Variants in RSPRY1 observed in about 807,000 individuals in gnomAD.
The protein encoded by RSPRY1 is RING finger and SPRY domain-containing protein 1.
A neutral mutation model predicts 73.1 loss-of-function variants in RSPRY1; 23 were observed. That is an observed-to-expected ratio of 0.31 (90% CI 0.23 to 0.45). The LOEUF is 0.45. Ranked by LOEUF, RSPRY1 falls within the 20% of genes least tolerant of loss-of-function variation. The pLI, the probability that RSPRY1 is intolerant of heterozygous loss-of-function variation, is 1.00. For missense variants in RSPRY1, 448 were observed against 698.7 expected, an observed-to-expected ratio of 0.64 and a Z score of 4.05; for synonymous variants, 226 against 251.4, an observed-to-expected ratio of 0.90 and a Z score of 0.95.
chr16:57,203,574 C>T (rs2146239451), intron 1 of RSPRY1, among the ~76,000 whole-genome samples: 1 of 152,298 alleles, frequency 6.6e-6, no homozygotes, highest in African/African-American at 2.4e-5. Flanking sequence ...TACTTCCTTC[C>T]AGAATCTAAC....
intron 10 of RSPRY1, among the ~76,000 whole-genome samples, chr16:57,225,165 A>G (rs1280744994): frequency 6.6e-6 from 1 of 152,230 alleles, no homozygotes; most frequent in Non-Finnish European, 1.5e-5. Context: ...GGTTCAGGCG[A>G]TTCTTGTGCC....
chr16:57,216,579 G>C (rs962892415), intron 7 of RSPRY1: 1 of 340,948 alleles, frequency 2.9e-6, no homozygotes, highest in African/African-American at 2.1e-5. Context: ...AATCAGCCAG[G>C]CATGGTGGCA....
rs1374197845 is a variant in RSPRY1, at chr16:57,240,362, A to G, written c.*1387A>G. The G allele has an allele frequency of 6.6e-6, 1 of 150,900 alleles. No homozygotes were observed. The highest frequency in any genetic ancestry group is 1.5e-5 in the Non-Finnish European group (1 of 67,738). 9.3% of individuals were successfully genotyped at this position (150,900 alleles called of 1,614,324 possible). A position where few individuals can be genotyped will look rare whatever the true frequency, so the allele number is the denominator to read the frequency against. On this transcript the variant is annotated 3_prime_UTR_variant, in exon 15 of 15. Coordinates refer to ENST00000394420, the MANE Select transcript of RSPRY1 (RefSeq NM_133368.3). ...ATCCACACACACACACACACACAAA[A>G]AATATATATATATATAAATATATAT...
chr16:57,189,593 C>CTTTTCT (rs1555498334), intron 1 of RSPRY1, among the ~76,000 whole-genome samples: 3 of 124,068 alleles, frequency 2.4e-5, no homozygotes, highest in African/African-American at 6.1e-5. Context: ...CTTTTCTTTT[C>CTTTTCT]TTTTTTTTTT....
intron 1 of RSPRY1, among the ~76,000 whole-genome samples, chr16:57,201,657 A>T (rs2074611555): frequency 1.3e-5 from 2 of 152,204 alleles, no homozygotes; most frequent in Non-Finnish European, 2.9e-5. Flanking sequence ...ACTGCACTCC[A>T]GCCTGGGCAC....
Position 57,213,150 on chromosome 16 carries a change from G to A in RSPRY1, c.643+52G>A, listed in dbSNP as rs75660456. On this transcript the variant is annotated intron_variant, in intron 5 of 14. Coordinates refer to ENST00000394420, the MANE Select transcript of RSPRY1 (RefSeq NM_133368.3). ...AGATCTTAAGTTGTTTGACATTAAA[G>A]GGAAATTTGTACTGTATGTCTTTGA... The A allele has an allele frequency of 5.9e-4, 910 of 1,552,266 alleles. 9 individuals carry two copies. The East Asian group carries it at 0.016, about 28-fold the overall frequency.
At position 57,221,409 on chromosome 16, in the gene RSPRY1, C is replaced by T. The variant is rs2075033520; in HGVS notation, c.1155C>T (p.Leu385=). 6.2e-6 allele frequency: 10 copies of T among 1,613,642 alleles called. No homozygotes were observed. In the African/African-American group the frequency reaches 8.0e-5, roughly 13 times the overall value. The change falls in exon 10 of 15, where the codon CTC becomes CTT. Residue 385 remains leucine (L), a synonymous_variant. Coordinates refer to ENST00000394420, the MANE Select transcript of RSPRY1 (RefSeq NM_133368.3). ...IGWATRDSKF[L]NHEGYGIGDD... is the part of the protein sequence containing the mutation. Reference sequence around the variant, plus strand: ...GGGCCACTCGAGACAGCAAATTCCTCAATCATGTGAGTACCCTAGAGAACT... The same window carrying T: ...GGGCCACTCGAGACAGCAAATTCCTTAATCATGTGAGTACCCTAGAGAACT...
intron 11 of RSPRY1, among the ~76,000 whole-genome samples, chr16:57,229,549 T>A (rs1435356132): frequency 2.0e-5 from 3 of 151,850 alleles, no homozygotes; most frequent in Non-Finnish European, 2.9e-5. Context: ...AGCCCAGGAG[T>A]TTGAGGCTGC....
intron 13 of RSPRY1, among the ~76,000 whole-genome samples, chr16:57,232,876 G>A (rs542529986): frequency 3.9e-5 from 6 of 152,212 alleles, no homozygotes; most frequent in African/African-American, 7.2e-5. Context: ...TCTCTAGACT[G>A]TTTTCTCTGA....
chr16:57,193,034 G>GA lies in RSPRY1; in HGVS notation c.-156+6590dup, dbSNP rs138498140. Among the ~76,000 whole-genome samples, 666 of 152,116 alleles carry GA rather than the reference G, an allele frequency of 4.4e-3. 6 individuals are homozygous for GA. The highest frequency in any genetic ancestry group is 0.015 in the African/African-American group (631 of 41,486). ...CCCTGCTCAGATAGTCTTTCAACCA[G>GA]AAAAAAATACCTACTTTCAAAGGTG... On this transcript the variant is annotated intron_variant, in intron 1 of 14. Coordinates refer to ENST00000394420, the MANE Select transcript of RSPRY1 (RefSeq NM_133368.3).
chr16:57,208,169 GCCA>G, intron 3 of RSPRY1, 59 bp downstream of exon 3: 1 of 1,062,182 alleles, frequency 9.4e-7, no homozygotes, highest in South Asian at 1.5e-5. Flanking sequence ...AAGAAAAGTA[GCCA>G]CCTTTTGTTT....
At chr16:57,220,282 T>TCCATGA (rs1250834800) in intron 8 of RSPRY1, 1 of 155,748 alleles carries the variant, frequency 6.4e-6, no homozygotes, top group Non-Finnish European at 1.4e-5. Context: ...AGTCTTCCAA[T>TCCATGA]CCATGACCAT....
chr16:57,200,446 C>T (rs1474146927), intron 1 of RSPRY1, among the ~76,000 whole-genome samples: 1 of 151,998 alleles, frequency 6.6e-6, no homozygotes, highest in Non-Finnish European at 1.5e-5. Context: ...GGGTGGTGGC[C>T]GGGCAGAGGG....
intron 4 of RSPRY1, among the ~76,000 whole-genome samples, chr16:57,209,798 C>G (rs747922486): frequency 3.3e-5 from 5 of 152,076 alleles, no homozygotes; most frequent in Non-Finnish European, 5.9e-5. Flanking sequence ...CCTCAGCCTC[C>G]CATGTAGCTG....
intron 12 of RSPRY1, 74 bp downstream of exon 12, chr16:57,230,887 T>C: frequency 1.1e-6 from 1 of 913,784 alleles, no homozygotes; most frequent in South Asian, 1.4e-5. Flanking sequence ...AAAAAAGTCT[T>C]TGTCCATTTA....
rs1342680147 is a variant in RSPRY1 at position 57,231,308 on chromosome 16, C to T, written c.1518C>T (p.Ile506=). ...DYAFLTAEEK[I]ILPRHRRLAL... ...CCTTCCTAACAGCTGAAGAAAAAATCATTTTGCCAAGGTAAGGAATCTGCC... is the reference window on the plus strand; with the variant it reads ...CCTTCCTAACAGCTGAAGAAAAAATTATTTTGCCAAGGTAAGGAATCTGCC... The change falls in exon 13 of 15, where the codon ATC becomes ATT. Residue 506 remains isoleucine, a synonymous_variant. Coordinates refer to ENST00000394420, the MANE Select transcript of RSPRY1 (RefSeq NM_133368.3). 5 of 1,612,166 alleles carry T rather than the reference C, an allele frequency of 3.1e-6. No homozygotes were observed.
At chr16:57,210,075 T>C (rs4287561) in intron 4 of RSPRY1, among the ~76,000 whole-genome samples, 126,838 of 138,038 alleles carry the variant, frequency 0.92, 58,535 homozygotes, top group Middle Eastern at 0.97. Flanking sequence ...TCCTTCCTTC[T>C]TTCCTTCCCT....
At chr16:57,212,114 C>G (rs1371180081) in intron 4 of RSPRY1, among the ~76,000 whole-genome samples, 1 of 152,020 alleles carries the variant, frequency 6.6e-6, no homozygotes, top group Non-Finnish European at 1.5e-5. Context: ...GAGTTCAAGA[C>G]CAGCCTGGGC....
At chr16:57,205,862 G>C (rs1194505660) in intron 2 of RSPRY1, among the ~76,000 whole-genome samples, 1 of 152,176 alleles carries the variant, frequency 6.6e-6, no homozygotes, top group African/African-American at 2.4e-5. Flanking sequence ...GTGGAGCTTT[G>C]TACTTAACAG....
Sources: allele counts gnomAD v4.1 joint callset (sites outside exome capture counted in the v4.1 genomes callset), GRCh38; gene constraint gnomAD v4.1.1; transcripts MANE v1.5; gene names NCBI Gene and HGNC (gene_info 2026-07-23, HGNC 2026-07-21).